The following IQSEC2 variants were observed in gnomAD, a reference collection of about 807,000 sequenced individuals.
IQSEC2 encodes IQ motif and SEC7 domain-containing protein 2.
Under a neutral mutation model 74.6 loss-of-function variants are expected in IQSEC2, and 6 were observed. The ratio of observed to expected loss-of-function variants is 0.08; its 90% CI spans 0.04 to 0.16. The LOEUF (loss-of-function observed/expected upper bound fraction) is 0.16. Among genes scored for constraint, IQSEC2 ranks in the 10% least tolerant of loss-of-function variants. IQSEC2 has a pLI of 1.00. For synonymous variants in IQSEC2, 494 were observed against 544.5 expected (o/e 0.91, Z 1.29); for missense variants, 734 against 1,306.2 (o/e 0.56, Z 6.75).
rs1817884786 is a variant in IQSEC2, at chrX:53,233,755, C to T, written c.*464G>A. On this transcript the variant is annotated 3_prime_UTR_variant, in exon 15 of 15. Transcript: ENST00000642864. ...GGCCAAGCCAGCTGAAGTTTGGCCA[C>T]AACTCTACAGAGCGCTCTCCTAGCC... 3.4e-6 allele frequency: 1 copy of T among 294,097 alleles called. No homozygotes were observed. Among genetic ancestry groups the T allele is most frequent in the Admixed American group, 6.1e-5 (1 of 16,274 alleles). The allele number at this position is 294,097 out of a possible 1,213,427, so 24.2% of individuals were successfully genotyped here.
chrX:53,236,602 C>A lies in IQSEC2; in HGVS notation c.3278-107G>T, dbSNP rs1160518052. 9.0e-6 allele frequency: 8 copies of A among 891,094 alleles called. No individual in the cohort carries two copies. The Admixed American group carries it at 2.1e-4, about 23-fold the overall frequency. 73.4% of individuals were successfully genotyped at this position (891,094 alleles called of 1,213,427 possible). A position where few individuals can be genotyped will look rare whatever the true frequency, so the allele number is the denominator to read the frequency against. On this transcript the variant is annotated intron_variant, in intron 12 of 14. Coordinates refer to ENST00000642864, the MANE Select transcript of IQSEC2 (RefSeq NM_001111125.3). ...GCCATTCTCCTTCCTCCTCCCTCCT[C>A]CCTCCCTCTGTCCCCAGGCTTCGTG...
intron 1 of IQSEC2, among the ~76,000 whole-genome samples, chrX:53,294,281 T>G (rs1476450860): frequency 8.9e-6 from 1 of 112,805 alleles, no homozygotes; most frequent in Non-Finnish European, 1.9e-5. Flanking sequence ...CAATTCTCGC[T>G]ATGGACTGAT....
At chrX:53,226,284 G>A (rs1556857512), downstream of IQSEC2, 2 of 112,752 alleles carry the variant, frequency 1.8e-5, no homozygotes, top group East Asian at 2.8e-4. Context: ...TCTACTGATT[G>A]GAGGATCATC....
downstream of IQSEC2, chrX:53,228,770 C>T (rs1212235229): frequency 1.5e-4 from 17 of 112,273 alleles, 1 homozygote; most frequent in Admixed American, 1.2e-3. Context: ...CTAGCCTGGA[C>T]TCTTAAAAGA....
rs374141042 is a variant in IQSEC2, at chrX:53,308,669, A to T, written c.707+11748T>A. ...AGAGATGGAGGGAAGGATGGCACTA[A>T]TAACTATGTCTTACAAAGTACGTGG... On this transcript the variant is annotated intron_variant, in intron 1 of 14. Coordinates refer to ENST00000642864, the MANE Select transcript of IQSEC2 (RefSeq NM_001111125.3). 1.1e-4 allele frequency among the ~76,000 whole-genome samples: 12 copies of T among 111,736 alleles called. No individual in the cohort carries two copies. In the East Asian group the frequency reaches 3.4e-3, roughly 31 times the overall value.
intron 2 of IQSEC2, among the ~76,000 whole-genome samples, chrX:53,280,870 C>T (rs948201979): frequency 1.8e-5 from 2 of 111,920 alleles, no homozygotes; most frequent in South Asian, 3.7e-4. Context: ...CCTTCCAGGT[C>T]AGCCAGCCCC....
At chrX:53,312,679 T>C (rs1472827008) in intron 1 of IQSEC2, among the ~76,000 whole-genome samples, 1 of 112,342 alleles carries the variant, frequency 8.9e-6, no homozygotes, top group Admixed American at 9.4e-5. Context: ...CACAATGAGA[T>C]GGGTTGTTTA....
intron 2 of IQSEC2, among the ~76,000 whole-genome samples, chrX:53,288,251 C>G (rs1213279220): frequency 3.6e-5 from 4 of 111,563 alleles, no homozygotes; most frequent in African/African-American, 6.5e-5. Flanking sequence ...AAGAGATTAT[C>G]TAATCCAAAC....
At chrX:53,291,512 A>C (rs781957441) in intron 2 of IQSEC2, among the ~76,000 whole-genome samples, 25 of 111,150 alleles carry the variant, frequency 2.2e-4, no homozygotes, top group South Asian at 7.6e-4. Flanking sequence ...TCAGGGTGGA[A>C]AGTGAACGCT....
At chrX:53,247,799 G>T (rs2074330004) in intron 7 of IQSEC2, among the ~76,000 whole-genome samples, 1 of 112,002 alleles carries the variant, frequency 8.9e-6, no homozygotes, top group Non-Finnish European at 1.9e-5. Flanking sequence ...CTACTTTATG[G>T]GGTGGTTGTG....
chrX:53,279,691 AGAGAGAGACAGG>A (rs1556870361), intron 2 of IQSEC2: 2 of 943,914 alleles, frequency 2.1e-6, no homozygotes, highest in Non-Finnish European at 3.0e-6. Context: ...AGAGAGACAG[AGAGAGAGACAGG>A]GAGGGAGGGA....
At chrX:53,228,177 A>T (rs1322908360), downstream of IQSEC2, among the ~76,000 whole-genome samples, 1 of 111,708 alleles carries the variant, frequency 9.0e-6, no homozygotes, top group Non-Finnish European at 1.9e-5. Context: ...GCCAGGTGCT[A>T]TGAAGTAGGT....
At chrX:53,319,649 C>T (rs1252944769) in intron 1 of IQSEC2, among the ~76,000 whole-genome samples, 1 of 111,866 alleles carries the variant, frequency 8.9e-6, no homozygotes, top group African/African-American at 3.3e-5. Flanking sequence ...TCCCACCAAC[C>T]CAAGAGATAG....
chrX:53,241,839 G>A lies in IQSEC2; in HGVS notation c.2960C>T (p.Pro987Leu). The A allele has an allele frequency of 8.3e-7, 1 of 1,211,140 alleles. No homozygotes were observed. The highest frequency in any genetic ancestry group is 1.1e-6 in the Non-Finnish European group (1 of 895,172). Reference sequence around the variant, plus strand: ...CCGCTGATGCAACCCTAGCCTCTGGGGGCGGTTTGGATCTGGCACCTCGTA... The same window carrying A: ...CCGCTGATGCAACCCTAGCCTCTGGAGGCGGTTTGGATCTGGCACCTCGTA... ...QLYEVPDPNRPQRLGLHQREV... is the reference protein window; with the variant it reads ...QLYEVPDPNRLQRLGLHQREV... Residue 987 changes from proline to leucine, a missense_variant, in exon 10 of 15, where the codon CCC becomes CTC. Pro to Leu is a moderately conservative substitution (Grantham distance 98, BLOSUM62 -3). Coordinates refer to ENST00000642864, the MANE Select transcript of IQSEC2 (RefSeq NM_001111125.3).
rs781894005 is a variant in IQSEC2 at position 53,284,465 on chromosome X, G to C, written c.737+7430C>G. On this transcript the variant is annotated intron_variant, in intron 2 of 14. Transcript: ENST00000642864. ...AAAGAGAATGTGTGTCAAATGCTCT[G>C]TAATAGTACCTCTGTTGTCCCGCTG... Among the ~76,000 whole-genome samples, 43 of 110,081 alleles carry C rather than the reference G, an allele frequency of 3.9e-4. 1 individual carries two copies. The highest frequency in any genetic ancestry group is 3.9e-4 in the Admixed American group (4 of 10,306).
At chrX:53,286,244 T>C (rs2075024227) in intron 2 of IQSEC2, among the ~76,000 whole-genome samples, 1 of 111,843 alleles carries the variant, frequency 8.9e-6, no homozygotes, top group Non-Finnish European at 1.9e-5. Context: ...GAGGGCACTT[T>C]TAGACAAAAC....
At chrX:53,266,718 C>T (rs1293982295) in intron 2 of IQSEC2, 3 of 931,791 alleles carry the variant, frequency 3.2e-6, no homozygotes, top group African/African-American at 4.3e-5. Flanking sequence ...TCTGCTTCTC[C>T]CACATTTTAG....
At position 53,285,850 on chromosome X, in the gene IQSEC2, A is replaced by G. The variant is rs2075020347; in HGVS notation, c.737+6045T>C. Among the ~76,000 whole-genome samples, 3 of 112,951 alleles carry G rather than the reference A, an allele frequency of 2.7e-5. No homozygotes were observed. In the South Asian group the frequency reaches 1.1e-3, roughly 41 times the overall value. On this transcript the variant is annotated intron_variant, in intron 2 of 14. Coordinates refer to ENST00000642864, the MANE Select transcript of IQSEC2 (RefSeq NM_001111125.3). ...CAGGGCCAAGGCCAGAGCTGTGGAC[A>G]TCGCTCCTGTGTCTGGAGAACAGTC...
At chrX:53,256,868 C>G (rs1366376299) in intron 2 of IQSEC2, among the ~76,000 whole-genome samples, 3 of 112,470 alleles carry the variant, frequency 2.7e-5, no homozygotes, top group East Asian at 5.6e-4. Context: ...AGTCTCCACG[C>G]GTGGCAGGAG....
Sources: gnomAD v4.1 joint callset for allele counts (sites outside exome capture counted in the v4.1 genomes callset) on GRCh38, gnomAD v4.1.1 for gene constraint, MANE v1.5 for transcripts, NCBI Gene and HGNC (gene_info 2026-07-23, HGNC 2026-07-21) for gene names.